NEGR1: variants seen among roughly 807,000 people sequenced by gnomAD.
NEGR1 encodes the protein neuronal growth regulator 1.
In NEGR1, 10 loss-of-function variants were observed where a neutral mutation model predicts 40.9. The ratio of observed to expected loss-of-function variants is 0.24; its 90% CI spans 0.15 to 0.42. The LOEUF is 0.42. NEGR1 is among the 10% of genes least tolerant of loss of function. The probability of loss-of-function intolerance (pLI) is 1.00; values close to 1 mark genes in which losing one functional copy is unlikely to be tolerated. For synonymous variants in NEGR1, 185 were observed against 166.8 expected (o/e 1.11, Z -0.84); for missense variants, 352 against 438.9 (o/e 0.80, Z 1.77).
intron 3 of NEGR1, among the ~76,000 whole-genome samples, chr1:71,711,586 T>C (rs1654094035): frequency 6.6e-6 from 1 of 151,688 alleles, no homozygotes; most frequent in African/African-American, 2.4e-5. Flanking sequence ...TGGAAAAGAG[T>C]TTGTCAGTTT....
intron 6 of NEGR1, among the ~76,000 whole-genome samples, chr1:71,420,579 G>T (rs1246533650): frequency 6.6e-6 from 1 of 151,846 alleles, no homozygotes; most frequent in African/African-American, 2.4e-5. Context: ...AAATTTTGAG[G>T]GTATCTATTC....
At chr1:71,410,145 A>G (rs1646309847) in intron 6 of NEGR1, among the ~76,000 whole-genome samples, 1 of 152,084 alleles carries the variant, frequency 6.6e-6, no homozygotes, top group South Asian at 2.1e-4. Flanking sequence ...CCACAAATTT[A>G]TATACTTTTT....
At chr1:71,849,321 T>G (rs1009560695) in intron 2 of NEGR1, among the ~76,000 whole-genome samples, 1 of 152,120 alleles carries the variant, frequency 6.6e-6, no homozygotes, top group Non-Finnish European at 1.5e-5. Flanking sequence ...AGTTCAAGAC[T>G]TCAGTGGAGA....
At chr1:71,635,344 C>T (rs1651112792) in intron 4 of NEGR1, among the ~76,000 whole-genome samples, 1 of 152,042 alleles carries the variant, frequency 6.6e-6, no homozygotes, top group Non-Finnish European at 1.5e-5. Context: ...CAATCTATCA[C>T]TTTGGCTGCA....
intron 6 of NEGR1, among the ~76,000 whole-genome samples, chr1:71,590,695 T>C (rs1441353570): frequency 1.3e-5 from 2 of 152,156 alleles, no homozygotes; most frequent in Admixed American, 6.6e-5. Context: ...GAGAATTAAA[T>C]GAACAAGTTT....
chr1:71,690,540 A>G (rs977258526), intron 4 of NEGR1, among the ~76,000 whole-genome samples: 3 of 149,768 alleles, frequency 2.0e-5, no homozygotes, highest in Non-Finnish European at 3.0e-5. Flanking sequence ...ATACACCATC[A>G]CAAATGCACA....
intron 6 of NEGR1, among the ~76,000 whole-genome samples, chr1:71,470,766 G>A (rs1053847300): frequency 3.9e-5 from 6 of 152,098 alleles, no homozygotes; most frequent in Non-Finnish European, 5.9e-5. Context: ...TACAAGTTGC[G>A]AGAAGGATCT....
intron 1 of NEGR1, among the ~76,000 whole-genome samples, chr1:72,133,726 A>C (rs1650342733): frequency 6.6e-6 from 1 of 151,692 alleles, no homozygotes; most frequent in Non-Finnish European, 1.5e-5. Context: ...CATAAGTAGC[A>C]AAAAAAGAAT....
At chr1:72,262,946 G>C (rs1484593573) in intron 1 of NEGR1, among the ~76,000 whole-genome samples, 1 of 151,618 alleles carries the variant, frequency 6.6e-6, no homozygotes, top group Non-Finnish European at 1.5e-5. Context: ...TCTTTTGTTA[G>C]CAAGTAACTA....
At chr1:71,898,993 T>TAGC (rs1661067040) in intron 2 of NEGR1, among the ~76,000 whole-genome samples, 1 of 77,910 alleles carries the variant, frequency 1.3e-5, no homozygotes, top group South Asian at 4.2e-4. Context: ...TATATATATA[T>TAGC]ATATATATAT....
chr1:71,780,040 C>CAAAAAAAAAAAAAAA lies in NEGR1; in HGVS notation c.410-3758_410-3744dup, dbSNP rs57576840. On this transcript the variant is annotated intron_variant, in intron 2 of 6. Transcript: ENST00000357731. Reference sequence around the variant, plus strand: ...GTGCTAAGCACTTGCATAGGAAAACCAAAAAAAAAAAAAAAAAAAAAAAAA... The same window carrying CAAAAAAAAAAAAAAA: ...GTGCTAAGCACTTGCATAGGAAAACCAAAAAAAAAAAAAAAAAAAAAAAAAAAAAAAAAAAAAAAA... Among the ~76,000 whole-genome samples, 459 of 99,720 alleles carry CAAAAAAAAAAAAAAA rather than the reference C, an allele frequency of 4.6e-3. 4 individuals are homozygous for CAAAAAAAAAAAAAAA. The highest frequency in any genetic ancestry group is 7.9e-3 in the Middle Eastern group (1 of 126). 65.4% of individuals were successfully genotyped at this position (99,720 alleles called of 152,430 possible).
At chr1:71,812,347 G>A (rs1658033756) in intron 2 of NEGR1, among the ~76,000 whole-genome samples, 1 of 152,054 alleles carries the variant, frequency 6.6e-6, no homozygotes, top group Non-Finnish European at 1.5e-5. Flanking sequence ...GAATAGTGCT[G>A]CAATGAGCAT....
At chr1:72,156,561 A>C (rs2100365294) in intron 1 of NEGR1, among the ~76,000 whole-genome samples, 1 of 152,270 alleles carries the variant, frequency 6.6e-6, no homozygotes, top group Middle Eastern at 3.4e-3. Context: ...CATACAAAAT[A>C]TTTCTTCAAT....
At chr1:71,640,375 A>G (rs1651308821) in intron 4 of NEGR1, among the ~76,000 whole-genome samples, 2 of 152,024 alleles carry the variant, frequency 1.3e-5, no homozygotes. Context: ...GGATGCATTG[A>G]TATCTCAGAG....
chr1:71,554,450 G>A (rs1648186109), intron 6 of NEGR1, among the ~76,000 whole-genome samples: 1 of 151,310 alleles, frequency 6.6e-6, no homozygotes. Context: ...TGTTCGGCCT[G>A]GGTGTATTTT....
At chr1:71,652,507 A>G (rs1651750319) in intron 4 of NEGR1, among the ~76,000 whole-genome samples, 1 of 152,162 alleles carries the variant, frequency 6.6e-6, no homozygotes, top group Non-Finnish European at 1.5e-5. Flanking sequence ...ATACTACAAT[A>G]TTAGCATTGA....
chr1:72,117,215 G>A (rs934545578), intron 1 of NEGR1, among the ~76,000 whole-genome samples: 9 of 151,600 alleles, frequency 5.9e-5, no homozygotes, highest in South Asian at 2.1e-4. Context: ...GCACACTCCC[G>A]CAATATATTA....
intron 1 of NEGR1, among the ~76,000 whole-genome samples, chr1:72,176,394 C>G (rs1276753953): frequency 6.6e-6 from 1 of 152,014 alleles, no homozygotes; most frequent in Non-Finnish European, 1.5e-5. Flanking sequence ...AATCTTAAGA[C>G]TTTGCCATCA....
intron 3 of NEGR1, among the ~76,000 whole-genome samples, chr1:71,766,896 T>C (rs1656152422): frequency 6.6e-6 from 1 of 152,192 alleles, no homozygotes; most frequent in East Asian, 1.9e-4. Flanking sequence ...TGCTCTTGCT[T>C]TGTCCTTGTA....
Sources: gnomAD v4.1 joint callset for allele counts (sites outside exome capture counted in the v4.1 genomes callset) on GRCh38, gnomAD v4.1.1 for gene constraint, MANE v1.5 for transcripts, NCBI Gene and HGNC (gene_info 2026-07-23, HGNC 2026-07-21) for gene names.